KCNJ12: variants seen among roughly 807,000 people sequenced by gnomAD.
KCNJ12 encodes the protein potassium inwardly rectifying channel subfamily J member 12.
A neutral mutation model predicts 22.3 loss-of-function variants in KCNJ12; 2 were observed. The ratio of observed to expected loss-of-function variants is 0.09; its 90% CI spans 0.04 to 0.28. KCNJ12 has a LOEUF of 0.28. KCNJ12 is among the 10% of genes least tolerant of loss of function. The probability of loss-of-function intolerance (pLI) is 1.00; values close to 1 mark genes in which losing one functional copy is unlikely to be tolerated. For missense variants in KCNJ12, 155 were observed against 633.3 expected (o/e 0.24, Z 8.11); for synonymous variants, 117 against 261.4 (o/e 0.45, Z 5.33).
At chr17:21,395,303 A>C (rs1180924457) in intron 1 of KCNJ12, among the ~76,000 whole-genome samples, 1 of 151,016 alleles carries the variant, frequency 6.6e-6, no homozygotes, top group Non-Finnish European at 1.5e-5. Context: ...GAAAAAAAAA[A>C]AAAAAAAAAA....
intron 1 of KCNJ12, among the ~76,000 whole-genome samples, chr17:21,385,545 C>A (rs1905044700): frequency 6.6e-6 from 1 of 152,222 alleles, no homozygotes. Flanking sequence ...CCTCCCCAGG[C>A]CCTGGGAGCC....
At chr17:21,378,966 T>C (rs1904771236) in intron 1 of KCNJ12, among the ~76,000 whole-genome samples, 1 of 152,102 alleles carries the variant, frequency 6.6e-6, no homozygotes, top group Admixed American at 6.5e-5. Flanking sequence ...CCTAAAACCA[T>C]GCAGTGGGTT....
intron 1 of KCNJ12, among the ~76,000 whole-genome samples, chr17:21,377,376 C>A (rs1367791458): frequency 2.6e-5 from 4 of 152,324 alleles, no homozygotes; most frequent in Admixed American, 1.3e-4. Context: ...CCCGAGAATG[C>A]CTCCCGTCAG....
intron 1 of KCNJ12, among the ~76,000 whole-genome samples, chr17:21,379,605 G>A (rs1454217905): frequency 6.6e-6 from 1 of 152,242 alleles, no homozygotes; most frequent in African/African-American, 2.4e-5. Flanking sequence ...AGCAGGAGGG[G>A]TGGAGGCTTG....
At chr17:21,410,962 C>G (rs1409768680) in intron 2 of KCNJ12, among the ~76,000 whole-genome samples, 2 of 152,298 alleles carry the variant, frequency 1.3e-5, no homozygotes, top group African/African-American at 4.8e-5. Context: ...GTTCGTGCCT[C>G]GTGAGGCGCC....
intron 1 of KCNJ12, among the ~76,000 whole-genome samples, chr17:21,392,423 G>GC (rs1171600982): frequency 6.6e-6 from 1 of 152,222 alleles, no homozygotes; most frequent in Non-Finnish European, 1.5e-5. Flanking sequence ...ACAAGGACAC[G>GC]CCCCCCAACA....
intron 1 of KCNJ12, among the ~76,000 whole-genome samples, chr17:21,379,290 G>T (rs1176551862): frequency 1.3e-5 from 2 of 152,210 alleles, no homozygotes; most frequent in Non-Finnish European, 2.9e-5. Context: ...CTTGGCATAT[G>T]GCTGGGGCGG....
chr17:21,400,611 G>A (rs1475384560), intron 1 of KCNJ12, among the ~76,000 whole-genome samples: 3 of 152,306 alleles, frequency 2.0e-5, no homozygotes, highest in Non-Finnish European at 2.9e-5. Context: ...TGGGCGAGGG[G>A]CCAGGCTGCC....
intron 1 of KCNJ12, among the ~76,000 whole-genome samples, chr17:21,385,525 C>T (rs1333933241): frequency 1.3e-5 from 2 of 152,226 alleles, no homozygotes; most frequent in African/African-American, 2.4e-5. Flanking sequence ...CCAGTCAGAG[C>T]GGCCAGGTCC....
At chr17:21,410,547 G>A (rs1295375489) in intron 2 of KCNJ12, among the ~76,000 whole-genome samples, 1 of 152,302 alleles carries the variant, frequency 6.6e-6, no homozygotes, top group Non-Finnish European at 1.5e-5. Flanking sequence ...ATGAGGTAGA[G>A]TGCCCCATCT....
intron 1 of KCNJ12, among the ~76,000 whole-genome samples, chr17:21,404,963 C>G (rs1257308188): frequency 5.9e-5 from 9 of 152,304 alleles, no homozygotes; most frequent in Non-Finnish European, 1.2e-4. Context: ...GTCCAGCCCC[C>G]ATCTTTACGC....
intron 1 of KCNJ12, among the ~76,000 whole-genome samples, chr17:21,408,143 G>A (rs62049481): frequency 0.064 from 6,986 of 109,744 alleles, no homozygotes; most frequent in African/African-American, 0.11. Flanking sequence ...TGTGACAGTG[G>A]GAGAATTACC....
chr17:21,408,202 G>A (rs2142070258), intron 1 of KCNJ12, among the ~76,000 whole-genome samples: 1 of 152,414 alleles, frequency 6.6e-6, no homozygotes, highest in South Asian at 2.1e-4. Flanking sequence ...CCAACCTTGT[G>A]TAATTGTGAG....
At chr17:21,393,263 G>A (rs1257302198) in intron 1 of KCNJ12, among the ~76,000 whole-genome samples, 4 of 152,162 alleles carry the variant, frequency 2.6e-5, no homozygotes, top group Non-Finnish European at 5.9e-5. Flanking sequence ...AATTTTCTGG[G>A]ACCCATGGTG....
intron 2 of KCNJ12, among the ~76,000 whole-genome samples, chr17:21,412,831 C>T (rs1304955276): frequency 2.0e-5 from 3 of 152,298 alleles, no homozygotes; most frequent in Admixed American, 6.5e-5. Flanking sequence ...TGGTTTAAAA[C>T]TCAACTCTCC....
intron 1 of KCNJ12, among the ~76,000 whole-genome samples, chr17:21,407,185 TATCC>T (rs1159968239): frequency 6.6e-6 from 1 of 152,010 alleles, no homozygotes; most frequent in African/African-American, 2.4e-5. Flanking sequence ...CCCATCCATC[TATCC>T]ATCTACCCAC....
intron 1 of KCNJ12, among the ~76,000 whole-genome samples, chr17:21,397,037 T>C (rs1905391085): frequency 6.6e-6 from 1 of 152,210 alleles, no homozygotes; most frequent in South Asian, 2.1e-4. Context: ...TGGGCCTCAG[T>C]TTCCTCATAT....
chr17:21,394,667 C>T (rs1408523698), intron 1 of KCNJ12, among the ~76,000 whole-genome samples: 3 of 152,132 alleles, frequency 2.0e-5, no homozygotes, highest in Non-Finnish European at 4.4e-5. Context: ...ACTGGAGGCT[C>T]AACTCGAGGC....
intron 1 of KCNJ12, among the ~76,000 whole-genome samples, chr17:21,380,240 C>T (rs1904820969): frequency 1.3e-5 from 2 of 152,322 alleles, no homozygotes; most frequent in South Asian, 4.1e-4. Flanking sequence ...TCGATGATTC[C>T]ATGTCTGGAC....
Sources: gnomAD v4.1 joint callset for allele counts (sites outside exome capture counted in the v4.1 genomes callset) on GRCh38, gnomAD v4.1.1 for gene constraint, MANE v1.5 for transcripts, NCBI Gene and HGNC (gene_info 2026-07-23, HGNC 2026-07-21) for gene names.